The following LHFPL3 variants were observed in gnomAD, a reference collection of about 807,000 sequenced individuals.
The protein encoded by LHFPL3 is LHFPL tetraspan subfamily member 3 protein.
LHFPL3 carries 5 observed loss-of-function variants against 19.3 expected under a neutral mutation model. The ratio of observed to expected loss-of-function variants is 0.26; its 90% CI spans 0.14 to 0.54. LHFPL3 has a LOEUF of 0.54. LHFPL3 is among the 20% of genes least tolerant of loss of function. LHFPL3 has a pLI of 0.94. For missense variants in LHFPL3, 249 were observed against 307.4 expected, an observed-to-expected ratio of 0.81 and a Z score of 1.42; for synonymous variants, 133 against 126.2, an observed-to-expected ratio of 1.05 and a Z score of -0.36.
rs141079383 is a variant in LHFPL3 at position 104,617,091 on chromosome 7, G to A, written c.446-119584G>A. On this transcript the variant is annotated intron_variant, in intron 1 of 2. Coordinates refer to ENST00000424859, the MANE Select transcript of LHFPL3 (RefSeq NM_199000.3). ...GTTCAACTATTGTGGAAGACAGTGC[G>A]GCGATTCCTCAAGGATCTAGAAACA... Among the ~76,000 whole-genome samples the A allele has an allele frequency of 8.9e-3, 1,351 of 152,150 alleles. 21 individuals are homozygous for A. The highest frequency in any genetic ancestry group is 0.031 in the African/African-American group (1,282 of 41,506).
intron 1 of LHFPL3, among the ~76,000 whole-genome samples, chr7:104,621,402 C>T (rs535471484): frequency 6.6e-6 from 1 of 152,334 alleles, no homozygotes; most frequent in South Asian, 2.1e-4. Flanking sequence ...TATGAGCTCC[C>T]AGAGTTAACA....
chr7:104,427,128 A>G (rs562436370), intron 1 of LHFPL3, among the ~76,000 whole-genome samples: 32 of 152,310 alleles, frequency 2.1e-4, no homozygotes, highest in African/African-American at 7.0e-4. Context: ...AGATCGTCAA[A>G]TCCAGGAGAG....
intron 1 of LHFPL3, among the ~76,000 whole-genome samples, chr7:104,522,302 C>A (rs954246445): frequency 4.0e-5 from 6 of 149,628 alleles, no homozygotes; most frequent in African/African-American, 1.5e-4. Flanking sequence ...AAACCAAACA[C>A]CGCATATTCT....
At chr7:104,591,858 A>C (rs1447050717) in intron 1 of LHFPL3, among the ~76,000 whole-genome samples, 3 of 152,038 alleles carry the variant, frequency 2.0e-5, no homozygotes, top group Non-Finnish European at 4.4e-5. Flanking sequence ...ACTTCATTTC[A>C]TTCATTAGAT....
intron 2 of LHFPL3, among the ~76,000 whole-genome samples, chr7:104,870,655 G>A (rs1000306646): frequency 1.3e-4 from 20 of 152,130 alleles, no homozygotes; most frequent in Non-Finnish European, 1.0e-4. Context: ...GTGACAACGG[G>A]AGCTTCACCA....
chr7:104,884,216 G>A (rs735444), intron 2 of LHFPL3, among the ~76,000 whole-genome samples: 8,448 of 152,250 alleles, frequency 0.055, 321 homozygotes, highest in South Asian at 0.11. Flanking sequence ...ACAACATCAC[G>A]GAGAAGGCAT....
At chr7:104,456,608 G>A (rs1331937114) in intron 1 of LHFPL3, among the ~76,000 whole-genome samples, 1 of 152,140 alleles carries the variant, frequency 6.6e-6, no homozygotes, top group Admixed American at 6.6e-5. Context: ...TTATTAAGTG[G>A]AGAACTTTCA....
At position 104,582,100 on chromosome 7, in the gene LHFPL3, C is replaced by A. The variant is rs1790472479; in HGVS notation, c.446-154575C>A. Among the ~76,000 whole-genome samples the A allele has an allele frequency of 2.6e-5, 4 of 151,798 alleles. No individual in the cohort carries two copies. The South Asian group carries it at 8.3e-4, about 32-fold the overall frequency. On this transcript the variant is annotated intron_variant, in intron 1 of 2. Transcript: ENST00000424859. ...CAATTCAAGAACTTGGCGTGTCGCC[C>A]CATTTATTTAGTGTTCTTGAATTTC...
chr7:104,669,337 A>G, intron 1 of LHFPL3: 3 of 1,613,810 alleles, frequency 1.9e-6, no homozygotes, highest in Non-Finnish European at 2.5e-6. Context: ...AGTAGATGGG[A>G]TGAATGTCCC....
chr7:104,722,404 C>G (rs1161168506), intron 1 of LHFPL3, among the ~76,000 whole-genome samples: 1 of 152,146 alleles, frequency 6.6e-6, no homozygotes, highest in East Asian at 1.9e-4. Flanking sequence ...TCTCCTCTAT[C>G]TCCCTAAGGG....
Position 104,439,589 on chromosome 7 carries a change from T to C in LHFPL3, c.445+110365T>C, listed in dbSNP as rs1346489818. ...CATAAGATTATCAAATACCATATGA[T>C]TATCTCTTTCTGTATTGATGCAGAA... On this transcript the variant is annotated intron_variant, in intron 1 of 2. Transcript: ENST00000424859. 2.0e-5 allele frequency among the ~76,000 whole-genome samples: 3 copies of C among 152,276 alleles called. 1 individual carries two copies. The highest frequency in any genetic ancestry group is 1.3e-4 in the Admixed American group (2 of 15,278).
chr7:104,484,774 A>G (rs947509745), intron 1 of LHFPL3, among the ~76,000 whole-genome samples: 1 of 152,196 alleles, frequency 6.6e-6, no homozygotes. Flanking sequence ...CAGAAGGGCA[A>G]GAGAGCATGA....
At chr7:104,393,287 C>G (rs1791115619) in intron 1 of LHFPL3, among the ~76,000 whole-genome samples, 1 of 152,024 alleles carries the variant, frequency 6.6e-6, no homozygotes, top group African/African-American at 2.4e-5. Context: ...CATAAAGTTA[C>G]CATATGACCT....
chr7:104,755,582 C>CACA (rs1562983812), intron 2 of LHFPL3, among the ~76,000 whole-genome samples: 6 of 150,486 alleles, frequency 4.0e-5, no homozygotes, highest in Non-Finnish European at 7.4e-5. Flanking sequence ...CCCAACACCA[C>CACA]CACACACACA....
In LHFPL3 at chr7:104,741,563, T is replaced by G. The variant is rs73181868; in HGVS notation, c.682+4652T>G. Among the ~76,000 whole-genome samples the G allele has an allele frequency of 4.7e-3, 702 of 148,146 alleles. 1 individual carries two copies. The highest frequency in any genetic ancestry group is 7.8e-3 in the Non-Finnish European group (525 of 67,298). ...TTTTTTTTTTTTCTTAGAGACAGAGTCTCACTCTGTTGCCCAGGCCAGAGA... is the reference window on the plus strand; with the variant it reads ...TTTTTTTTTTTTCTTAGAGACAGAGGCTCACTCTGTTGCCCAGGCCAGAGA... On this transcript the variant is annotated intron_variant, in intron 2 of 2. Transcript: ENST00000424859.
intron 1 of LHFPL3, among the ~76,000 whole-genome samples, chr7:104,370,451 G>A (rs57748313): frequency 2.0e-5 from 3 of 152,156 alleles, no homozygotes; most frequent in African/African-American, 4.8e-5. Flanking sequence ...AAGAGAGCAG[G>A]GTGGCAAAGC....
chr7:104,478,652 C>T (rs966375653), intron 1 of LHFPL3, among the ~76,000 whole-genome samples: 1 of 152,118 alleles, frequency 6.6e-6, no homozygotes, highest in Non-Finnish European at 1.5e-5. Flanking sequence ...ACAGTGTGTT[C>T]CATGCATTCC....
At chr7:104,746,576 TAA>T (rs1173090463) in intron 2 of LHFPL3, among the ~76,000 whole-genome samples, 1 of 152,158 alleles carries the variant, frequency 6.6e-6, no homozygotes, top group Non-Finnish European at 1.5e-5. Context: ...AATCACAGGC[TAA>T]AAAAATCACA....
In LHFPL3 at chr7:104,809,728, C is replaced by T. The variant is rs1244265589; in HGVS notation, c.682+72817C>T. Among the ~76,000 whole-genome samples the T allele has an allele frequency of 3.9e-5, 6 of 152,200 alleles. 1 individual carries two copies. Among genetic ancestry groups the T allele is most frequent in the African/African-American group, 1.4e-4 (6 of 41,516 alleles). ...ATGGAAAGCAAGAGAAGACTCTTAC[C>T]CATACAGCACAGAGGAAGCTCATTG... On this transcript the variant is annotated intron_variant, in intron 2 of 2. Transcript: ENST00000424859.
Sources: allele counts gnomAD v4.1 joint callset (sites outside exome capture counted in the v4.1 genomes callset), GRCh38; gene constraint gnomAD v4.1.1; transcripts MANE v1.5; gene names NCBI Gene and HGNC (gene_info 2026-07-23, HGNC 2026-07-21).